The following SOX2 variants were observed in gnomAD, a reference collection of about 807,000 sequenced individuals.
SOX2 encodes transcription factor SOX-2.
A neutral mutation model predicts 19.7 loss-of-function variants in SOX2; 2 were observed. The observed-to-expected ratio is 0.10, with a 90% CI of 0.04 to 0.32. The LOEUF is 0.32. Ranked by LOEUF, SOX2 falls within the 10% of genes least tolerant of loss-of-function variation. SOX2 has a pLI of 1.00. For synonymous variants in SOX2, 211 were observed against 196.8 expected (o/e 1.07, Z -0.60); for missense variants, 294 against 459.9 (o/e 0.64, Z 3.30).
In SOX2 at chr3:181,713,802, G is replaced by C. The variant is rs1471833077; in HGVS notation, c.*488G>C. ...AAGCAACTTTTGTACAGTATTTATC[G>C]AGATAAACATGGCAATCAAAATGTC... On this transcript the variant is annotated 3_prime_UTR_variant, in exon 1 of 1. Coordinates refer to ENST00000325404, the MANE Select transcript of SOX2 (RefSeq NM_003106.4). The C allele has an allele frequency of 3.8e-6, 1 of 260,794 alleles. No homozygotes were observed. The highest frequency in any genetic ancestry group is 8.0e-6 in the Non-Finnish European group (1 of 125,226). The allele number at this position is 260,794 out of a possible 1,614,324, so 16.2% of individuals were successfully genotyped here.
At position 181,712,700 on chromosome 3, in the gene SOX2, C is replaced by G. The variant is rs2108522225; in HGVS notation, c.340C>G (p.Arg114Gly). Residue 114 changes from arginine to glycine, a missense_variant, in exon 1 of 1, where the codon CGG becomes GGG. Arg to Gly is a moderately radical substitution (Grantham distance 125, BLOSUM62 -2). Coordinates refer to ENST00000325404, the MANE Select transcript of SOX2 (RefSeq NM_003106.4). This position sits in a 1 kb window ranked among gnomAD's most constrained non-coding sequence, Gnocchi z 8.5. ...EHPDYKYRPR[R>G]KTKTLMKKDK... is the part of the protein sequence containing the mutation. ...CCCGGATTATAAATACCGGCCCCGG[C>G]GGAAAACCAAGACGCTCATGAAGAA... 1 of 1,613,902 alleles carries G rather than the reference C, an allele frequency of 6.2e-7. No individual in the cohort carries two copies. Among genetic ancestry groups the G allele is most frequent in the Non-Finnish European group, 8.5e-7 (1 of 1,179,892 alleles).
chr3:181,712,531 C>T lies in SOX2; in HGVS notation c.171C>T (p.Arg57=). ...AFMVWSRGQR[R]KMAQENPKMH... ...TGGTGTGGTCCCGCGGGCAGCGGCGCAAGATGGCCCAGGAGAACCCCAAGA... is the reference window on the plus strand; with the variant it reads ...TGGTGTGGTCCCGCGGGCAGCGGCGTAAGATGGCCCAGGAGAACCCCAAGA... Residue 57 remains arginine, a synonymous_variant, in exon 1 of 1, where the codon CGC becomes CGT. Coordinates refer to ENST00000325404, the MANE Select transcript of SOX2 (RefSeq NM_003106.4). This position sits in a 1 kb window ranked among gnomAD's most constrained non-coding sequence, Gnocchi z 8.5. The T allele has an allele frequency of 1.2e-6, 2 of 1,614,150 alleles. No homozygotes were observed. Among genetic ancestry groups the T allele is most frequent in the Non-Finnish European group, 8.5e-7 (1 of 1,180,004 alleles).
In SOX2 at chr3:181,712,807, G is replaced by A; in HGVS notation, c.447G>A (p.Leu149=). 1.2e-6 allele frequency: 2 copies of A among 1,601,330 alleles called. No individual in the cohort carries two copies. The highest frequency in any genetic ancestry group is 1.7e-5 in the Admixed American group (1 of 58,330). The change falls in exon 1 of 1, where the codon CTG becomes CTA. Residue 149 remains leucine, a synonymous_variant. Coordinates refer to ENST00000325404, the MANE Select transcript of SOX2 (RefSeq NM_003106.4). This position sits in a 1 kb window ranked among gnomAD's most constrained non-coding sequence, Gnocchi z 8.5. ...MASGVGVGAG[L]GAGVNQRMDS... ...GCGGGGTCGGGGTGGGCGCCGGCCT[G>A]GGCGCGGGCGTGAACCAGCGCATGG...
rs2108522674 is a variant in SOX2, at chr3:181,712,871, T to C, written c.511T>C (p.Tyr171His). ...AHMNGWSNGS[Y>H]SMMQDQLGYP... ...CATGAACGGCTGGAGCAACGGCAGC[T>C]ACAGCATGATGCAGGACCAGCTGGG... Residue 171 changes from tyrosine (Y) to histidine (H), a missense_variant, in exon 1 of 1, where the codon TAC (tyrosine) becomes CAC (histidine). Physicochemically the swap from Tyr to His is moderately conservative, Grantham distance 83. Transcript: ENST00000325404. This position sits in a 1 kb window ranked among gnomAD's most constrained non-coding sequence, Gnocchi z 8.5. 1 of 1,609,716 alleles carries C rather than the reference T, an allele frequency of 6.2e-7. No individual in the cohort carries two copies. The highest frequency in any genetic ancestry group is 8.5e-7 in the Non-Finnish European group (1 of 1,178,590).
In SOX2 at chr3:181,712,003, A is replaced by G. The variant is rs920591606; in HGVS notation, c.-358A>G. 3.1e-4 allele frequency: 84 copies of G among 269,266 alleles called. No homozygotes were observed. The highest frequency in any genetic ancestry group is 4.8e-4 in the Non-Finnish European group (68 of 143,138). The allele number at this position is 269,266 out of a possible 1,614,324, so 16.7% of individuals were successfully genotyped here. On this transcript the variant is annotated 5_prime_UTR_variant, in exon 1 of 1. Transcript: ENST00000325404. The surrounding 1 kb of genome is among the most constrained non-coding windows in gnomAD (Gnocchi z 8.5). Reference sequence around the variant, plus strand: ...AAGAGAGTGTTTGCAAAAGGGGGAAAGTAGTTTGCTGCCTCTTTAAGACTA... The same window carrying G: ...AAGAGAGTGTTTGCAAAAGGGGGAAGGTAGTTTGCTGCCTCTTTAAGACTA...
At position 181,711,969 on chromosome 3, in the gene SOX2, A is replaced by C. The variant is rs1443006749; in HGVS notation, c.-392A>C. 4.0e-6 allele frequency: 1 copy of C among 247,800 alleles called. No homozygotes were observed. Among genetic ancestry groups the C allele is most frequent in the Non-Finnish European group, 7.8e-6 (1 of 128,668 alleles). 15.4% of individuals were successfully genotyped at this position (247,800 alleles called of 1,614,324 possible). On this transcript the variant is annotated 5_prime_UTR_variant, in exon 1 of 1. Coordinates refer to ENST00000325404, the MANE Select transcript of SOX2 (RefSeq NM_003106.4). ...GTTCAAAAAAGTATCAGGAGTTGTC[A>C]AGGCAGAGAAGAGAGTGTTTGCAAA... is the stretch of plus-strand genomic sequence containing the variant.
chr3:181,712,344 C>T lies in SOX2; in HGVS notation c.-17C>T, dbSNP rs1282278150. 1 of 1,440,942 alleles carries T rather than the reference C, an allele frequency of 6.9e-7. No individual in the cohort carries two copies. Among genetic ancestry groups the T allele is most frequent in the East Asian group, 2.7e-5 (1 of 37,110 alleles). The allele number at this position is 1,440,942 out of a possible 1,614,324, so 89.3% of individuals were successfully genotyped here. ...GTCGGCGGCCGCCGGCGGGCCGGGC[C>T]CGCGCACAGCGCCCGCATGTACAAC... On this transcript the variant is annotated 5_prime_UTR_variant, in exon 1 of 1. Transcript: ENST00000325404. The surrounding 1 kb of genome is among the most constrained non-coding windows in gnomAD (Gnocchi z 8.5).
rs1223269840 is a variant in SOX2, at chr3:181,713,066, G to A, written c.706G>A (p.Ala236Thr). 6.2e-7 allele frequency: 1 copy of A among 1,613,816 alleles called. No individual in the cohort carries two copies. Among genetic ancestry groups the A allele is most frequent in the Non-Finnish European group, 8.5e-7 (1 of 1,180,036 alleles). ...CTCGCAGCAGGGCACCCCTGGCATG[G>A]CTCTTGGCTCCATGGGTTCGGTGGT... ...SYSQQGTPGM[A>T]LGSMGSVVKS... The change falls in exon 1 of 1, where the codon GCT becomes ACT. Residue 236 changes from alanine to threonine, a missense_variant. Ala to Thr is a moderately conservative substitution (Grantham distance 58). Transcript: ENST00000325404.
chr3:181,712,320 T>C lies in SOX2; in HGVS notation c.-41T>C, dbSNP rs2108521149. The C allele has an allele frequency of 7.6e-7, 1 of 1,318,508 alleles. No individual in the cohort carries two copies. Among genetic ancestry groups the C allele is most frequent in the Non-Finnish European group, 9.6e-7 (1 of 1,039,810 alleles). The allele number at this position is 1,318,508 out of a possible 1,614,324, so 81.7% of individuals were successfully genotyped here. On this transcript the variant is annotated 5_prime_UTR_variant, in exon 1 of 1. Transcript: ENST00000325404. The surrounding 1 kb of genome is among the most constrained non-coding windows in gnomAD (Gnocchi z 8.5). ...CCCAAAGTCCCGGCCGGGCCGAGGG[T>C]CGGCGGCCGCCGGCGGGCCGGGCCC...
Position 181,714,383 on chromosome 3 carries a change from ACT to A in SOX2, c.*1071_*1072del. 1 of 234,644 alleles carries A rather than the reference ACT, an allele frequency of 4.3e-6. No homozygotes were observed. The highest frequency in any genetic ancestry group is 1.9e-4 in the South Asian group (1 of 5,386). The allele number at this position is 234,644 out of a possible 1,614,324, so 14.5% of individuals were successfully genotyped here. A position where few individuals can be genotyped will look rare whatever the true frequency, so the allele number is the denominator to read the frequency against. The stretch of plus-strand genomic sequence containing the variant: ...AGGTACATTTTCAACTTAAGTTTTT[ACT>A]CCATTATGCACAGTTTGAGATAAAT... On this transcript the variant is annotated 3_prime_UTR_variant, in exon 1 of 1. Coordinates refer to ENST00000325404, the MANE Select transcript of SOX2 (RefSeq NM_003106.4).
rs1714889241 is a variant in SOX2 at position 181,713,390 on chromosome 3, G to A, written c.*76G>A. 6 of 1,537,318 alleles carry A rather than the reference G, an allele frequency of 3.9e-6. No homozygotes were observed. Among genetic ancestry groups the A allele is most frequent in the Non-Finnish European group, 5.3e-6 (6 of 1,135,512 alleles). ...GAAATGGGAGGGGTGCAAAAGAGGA[G>A]AGTAAGAAACAGCATGGAGAAAACC... On this transcript the variant is annotated 3_prime_UTR_variant, in exon 1 of 1. Transcript: ENST00000325404.
In SOX2 at chr3:181,712,936, G is replaced by T. The variant is rs758682114; in HGVS notation, c.576G>T (p.Ala192=). The change falls in exon 1 of 1, where the codon GCG becomes GCT. Residue 192 remains alanine, a synonymous_variant. Coordinates refer to ENST00000325404, the MANE Select transcript of SOX2 (RefSeq NM_003106.4). The surrounding 1 kb of genome is among the most constrained non-coding windows in gnomAD (Gnocchi z 8.5). ...QHPGLNAHGA[A]QMQPMHRYDV... is the part of the protein sequence containing the mutation. ...CGGGCCTCAATGCGCACGGCGCAGCGCAGATGCAGCCCATGCACCGCTACG... is the reference window on the plus strand; with the variant it reads ...CGGGCCTCAATGCGCACGGCGCAGCTCAGATGCAGCCCATGCACCGCTACG... The T allele has an allele frequency of 3.1e-6, 5 of 1,613,696 alleles. No homozygotes were observed. The East Asian group carries it at 8.9e-5, about 29-fold the overall frequency.
rs771393751 is a variant in SOX2 at position 181,712,865 on chromosome 3, G to A, written c.505G>A (p.Gly169Ser). 28 of 1,608,480 alleles carry A rather than the reference G, an allele frequency of 1.7e-5. No individual in the cohort carries two copies. Among genetic ancestry groups the A allele is most frequent in the African/African-American group, 1.3e-5 (1 of 74,862 alleles). Residue 169 changes from glycine (G) to serine (S), a missense_variant, in exon 1 of 1, where the codon GGC becomes AGC. Physicochemically the swap from Gly to Ser is moderately conservative, Grantham distance 56 (BLOSUM62 0). Transcript: ENST00000325404. The surrounding 1 kb of genome is among the most constrained non-coding windows in gnomAD (Gnocchi z 8.5). ...SYAHMNGWSN[G>S]SYSMMQDQLG... ...CGCGCACATGAACGGCTGGAGCAAC[G>A]GCAGCTACAGCATGATGCAGGACCA...
Position 181,712,183 on chromosome 3 carries a change from C to G in SOX2, c.-178C>G. On this transcript the variant is annotated 5_prime_UTR_variant, in exon 1 of 1. Coordinates refer to ENST00000325404, the MANE Select transcript of SOX2 (RefSeq NM_003106.4). The surrounding 1 kb of genome is among the most constrained non-coding windows in gnomAD (Gnocchi z 8.5). ...TTTTTTTGATCCTGATTCCAGTTTGCCTCTCTCTTTTTTTCCCCCAAATTA... is the reference window on the plus strand; with the variant it reads ...TTTTTTTGATCCTGATTCCAGTTTGGCTCTCTCTTTTTTTCCCCCAAATTA... 1 of 435,628 alleles carries G rather than the reference C, an allele frequency of 2.3e-6. No individual in the cohort carries two copies. The allele number at this position is 435,628 out of a possible 1,614,324, so 27.0% of individuals were successfully genotyped here. A position where few individuals can be genotyped will look rare whatever the true frequency, so the allele number is the denominator to read the frequency against.
rs1576854410 is a variant in SOX2, at chr3:181,713,852, C to A, written c.*538C>A. On this transcript the variant is annotated 3_prime_UTR_variant, in exon 1 of 1. Transcript: ENST00000325404. ...CCATTGTTTATAAGCTGAGAATTTG[C>A]CAATATTTTTCAAGGAGAGGCTTCT... is the stretch of plus-strand genomic sequence containing the variant. The A allele has an allele frequency of 2.3e-4, 58 of 249,092 alleles. No individual in the cohort carries two copies. The East Asian group carries it at 3.5e-3, about 15-fold the overall frequency. 15.4% of individuals were successfully genotyped at this position (249,092 alleles called of 1,614,324 possible).
Position 181,712,340 on chromosome 3 carries a change from G to C in SOX2, c.-21G>C, listed in dbSNP as rs1714831914. ...GAGGGTCGGCGGCCGCCGGCGGGCC[G>C]GGCCCGCGCACAGCGCCCGCATGTA... On this transcript the variant is annotated 5_prime_UTR_variant, in exon 1 of 1. Transcript: ENST00000325404. The surrounding 1 kb of genome is among the most constrained non-coding windows in gnomAD (Gnocchi z 8.5). 7.2e-7 allele frequency: 1 copy of C among 1,395,954 alleles called. No homozygotes were observed. The highest frequency in any genetic ancestry group is 9.2e-7 in the Non-Finnish European group (1 of 1,082,138). 86.5% of individuals were successfully genotyped at this position (1,395,954 alleles called of 1,614,324 possible). A position where few individuals can be genotyped will look rare whatever the true frequency, so the allele number is the denominator to read the frequency against.
Position 181,713,431 on chromosome 3 carries a change from G to C in SOX2, c.*117G>C. On this transcript the variant is annotated 3_prime_UTR_variant, in exon 1 of 1. Transcript: ENST00000325404. ...GGAGAAAACCCGGTACGCTCAAAAA[G>C]AAAAAGGAAAAAAAAAAATCCCATC... 1 of 1,297,244 alleles carries C rather than the reference G, an allele frequency of 7.7e-7. No individual in the cohort carries two copies. The highest frequency in any genetic ancestry group is 1.1e-6 in the Non-Finnish European group (1 of 940,836). The allele number at this position is 1,297,244 out of a possible 1,614,324, so 80.4% of individuals were successfully genotyped here. A position where few individuals can be genotyped will look rare whatever the true frequency, so the allele number is the denominator to read the frequency against.
In SOX2 at chr3:181,713,913, A is replaced by G. The variant is rs1306303459; in HGVS notation, c.*599A>G. ...TGATTCTGCAGCTGAAATTTAGGAC[A>G]GTTGCAAACGTGAAAAGAAGAAAAT... On this transcript the variant is annotated 3_prime_UTR_variant, in exon 1 of 1. Transcript: ENST00000325404. The G allele has an allele frequency of 8.0e-6, 2 of 248,796 alleles. No individual in the cohort carries two copies. Among genetic ancestry groups the G allele is most frequent in the Non-Finnish European group, 1.7e-5 (2 of 118,746 alleles). 15.4% of individuals were successfully genotyped at this position (248,796 alleles called of 1,614,324 possible).
In SOX2 at chr3:181,713,188, G is replaced by C. The variant is rs1300059548; in HGVS notation, c.828G>C (p.Met276Ile). The C allele has an allele frequency of 5.0e-6, 8 of 1,613,192 alleles. No individual in the cohort carries two copies. The highest frequency in any genetic ancestry group is 6.8e-6 in the Non-Finnish European group (8 of 1,180,018). Residue 276 changes from methionine (M) to isoleucine (I), a missense_variant, in exon 1 of 1, where the codon ATG becomes ATC. Transcript: ENST00000325404. ...QAGDLRDMISMYLPGAEVPEP... is the reference protein window; with the variant it reads ...QAGDLRDMISIYLPGAEVPEP... ...GGGACCTCCGGGACATGATCAGCAT[G>C]TATCTCCCCGGCGCCGAGGTGCCGG...
Sources: allele counts gnomAD v4.1 joint callset, GRCh38; gene constraint gnomAD v4.1.1; non-coding constraint Gnocchi (gnomAD v3.1); transcripts MANE v1.5; gene names NCBI Gene and HGNC (gene_info 2026-07-23, HGNC 2026-07-21).